Variants in SH3BGRL2 observed in about 807,000 individuals in gnomAD.
SH3BGRL2 encodes SH3 domain binding glutamate rich protein like 2.
In SH3BGRL2, 21 loss-of-function variants were observed where a neutral mutation model predicts 14.8. The ratio of observed to expected loss-of-function variants is 1.42; its 90% CI spans 1.01 to 2.05. The LOEUF is 2.05. SH3BGRL2 is among the 30% of genes most tolerant of loss of function. The pLI is 0.00. For synonymous variants in SH3BGRL2, 50 were observed against 47.8 expected, an observed-to-expected ratio of 1.05 and a Z score of -0.19; for missense variants, 147 against 130.8, an observed-to-expected ratio of 1.12 and a Z score of -0.61.
the SH3BGRL2 span, among the ~76,000 whole-genome samples, chr6:79,590,273 A>G: frequency 6.6e-6 from 1 of 151,894 alleles, no homozygotes; most frequent in African/African-American, 2.4e-5. Context: ...CAACTCAGCA[A>G]TCCCATTACT....
intron 2 of SH3BGRL2, among the ~76,000 whole-genome samples, chr6:79,689,851 C>G (rs1463356945): frequency 2.6e-5 from 4 of 152,122 alleles, no homozygotes; most frequent in African/African-American, 9.7e-5. Flanking sequence ...TTTTGTGTTA[C>G]CACCTAAAGC....
At chr6:79,602,362 C>T in the SH3BGRL2 span, among the ~76,000 whole-genome samples, 1 of 152,100 alleles carries the variant, frequency 6.6e-6, no homozygotes, top group African/African-American at 2.4e-5. Context: ...GAGGGGGTGA[C>T]ATTCTAAAAA....
Position 79,700,235 on chromosome 6 carries a change from G to A in SH3BGRL2, c.*726G>A, listed in dbSNP as rs1202471189. On this transcript the variant is annotated 3_prime_UTR_variant, in exon 4 of 4. Coordinates refer to ENST00000369838, the MANE Select transcript of SH3BGRL2 (RefSeq NM_031469.4). ...TGCAAGGGGCAAGTTTCACCCAAAT[G>A]CCTGAGACTGCTTGAAAGATATATT... 6.6e-6 allele frequency: 1 copy of A among 152,120 alleles called. No individual in the cohort carries two copies. The highest frequency in any genetic ancestry group is 2.4e-5 in the African/African-American group (1 of 41,438). The allele number at this position is 152,120 out of a possible 1,614,324, so 9.4% of individuals were successfully genotyped here.
chr6:79,632,537 A>C (rs1038541229), intron 1 of SH3BGRL2, among the ~76,000 whole-genome samples: 12 of 152,206 alleles, frequency 7.9e-5, no homozygotes, highest in Non-Finnish European at 1.6e-4. Context: ...ATTGTTCCAA[A>C]ATTTGTTTCT....
the SH3BGRL2 span, among the ~76,000 whole-genome samples, chr6:79,591,608 A>G: frequency 6.6e-5 from 10 of 152,086 alleles, no homozygotes; most frequent in South Asian, 1.5e-3. Flanking sequence ...GGGTTTCACT[A>G]TGTTGGTCAG....
chr6:79,630,672 C>A (rs978329577), upstream of SH3BGRL2, among the ~76,000 whole-genome samples: 1 of 152,070 alleles, frequency 6.6e-6, no homozygotes, highest in African/African-American at 2.4e-5. Context: ...ATTCCAATTT[C>A]GTTTGGTATT....
At chr6:79,598,127 T>G in the SH3BGRL2 span, among the ~76,000 whole-genome samples, 4 of 152,178 alleles carry the variant, frequency 2.6e-5, no homozygotes, top group Non-Finnish European at 4.4e-5. Context: ...AGTGAAGCCC[T>G]CATACAACAC....
At chr6:79,652,454 A>G (rs1769315336) in intron 1 of SH3BGRL2, among the ~76,000 whole-genome samples, 1 of 152,202 alleles carries the variant, frequency 6.6e-6, no homozygotes, top group African/African-American at 2.4e-5. Flanking sequence ...GAACATTAGT[A>G]TAAGAACGAC....
the SH3BGRL2 span, among the ~76,000 whole-genome samples, chr6:79,546,110 C>T: frequency 1.3e-5 from 2 of 152,120 alleles, no homozygotes; most frequent in East Asian, 1.9e-4. Context: ...AGCAATTTCA[C>T]GTGTCTTGGT....
chr6:79,539,484 T>C, the SH3BGRL2 span, among the ~76,000 whole-genome samples: 1 of 152,214 alleles, frequency 6.6e-6, no homozygotes, highest in East Asian at 1.9e-4. Context: ...AATTCTGCAA[T>C]GGTCATTAAG....
the SH3BGRL2 span, among the ~76,000 whole-genome samples, chr6:79,622,716 G>C: frequency 6.6e-6 from 1 of 152,162 alleles, no homozygotes; most frequent in Non-Finnish European, 1.5e-5. Flanking sequence ...CCTCTGTATT[G>C]AATAGCTACT....
the SH3BGRL2 span, among the ~76,000 whole-genome samples, chr6:79,540,744 T>C: frequency 1.3e-5 from 2 of 152,106 alleles, no homozygotes; most frequent in Non-Finnish European, 2.9e-5. Flanking sequence ...ACGGATTAAT[T>C]TTAAAGACAA....
the SH3BGRL2 span, among the ~76,000 whole-genome samples, chr6:79,579,273 C>T: frequency 2.0e-5 from 3 of 152,186 alleles, no homozygotes; most frequent in Admixed American, 2.0e-4. Context: ...GGCAGGCCAA[C>T]ATTAAAATTC....
the SH3BGRL2 span, among the ~76,000 whole-genome samples, chr6:79,606,079 T>G: frequency 0.18 from 26,795 of 152,114 alleles, 2,468 homozygotes; most frequent in South Asian, 0.22. Flanking sequence ...AAACTGACAC[T>G]TAGGGGCAAA....
the SH3BGRL2 span, among the ~76,000 whole-genome samples, chr6:79,540,780 AAAG>A: frequency 8.5e-5 from 13 of 152,220 alleles, no homozygotes; most frequent in Non-Finnish European, 1.8e-4. Context: ...GTCAGACACA[AAAG>A]AATATATTCT....
the SH3BGRL2 span, among the ~76,000 whole-genome samples, chr6:79,603,285 T>G: frequency 6.6e-6 from 1 of 152,208 alleles, no homozygotes; most frequent in African/African-American, 2.4e-5. Context: ...CAAGAACAAT[T>G]TCCCTTGAGG....
Position 79,702,008 on chromosome 6 carries a change from A to C in SH3BGRL2, c.*2499A>C, listed in dbSNP as rs538928991. 15 of 152,728 alleles carry C rather than the reference A, an allele frequency of 9.8e-5. No homozygotes were observed. The highest frequency in any genetic ancestry group is 3.6e-4 in the African/African-American group (15 of 41,578). The allele number at this position is 152,728 out of a possible 1,614,324, so 9.5% of individuals were successfully genotyped here. A position where few individuals can be genotyped will look rare whatever the true frequency, so the allele number is the denominator to read the frequency against. On this transcript the variant is annotated 3_prime_UTR_variant, in exon 4 of 4. Coordinates refer to ENST00000369838, the MANE Select transcript of SH3BGRL2 (RefSeq NM_031469.4). ...AAAGGAAATGTGCTGCTAAAAATCA[A>C]CTTATGCCATTTTAAAATTAGATAA...
chr6:79,633,999 G>A (rs760631181), intron 1 of SH3BGRL2, among the ~76,000 whole-genome samples: 14 of 152,184 alleles, frequency 9.2e-5, no homozygotes, highest in Admixed American at 2.0e-4. Flanking sequence ...CAACTGTGAC[G>A]AGCAAGTGCA....
chr6:79,689,530 A>G (rs961887863), intron 2 of SH3BGRL2, among the ~76,000 whole-genome samples: 1 of 152,126 alleles, frequency 6.6e-6, no homozygotes, highest in Non-Finnish European at 1.5e-5. Context: ...TTTTCTCTGC[A>G]TGAGAGAAAA....
Sources: allele counts gnomAD v4.1 joint callset (sites outside exome capture counted in the v4.1 genomes callset), GRCh38; gene constraint gnomAD v4.1.1; transcripts MANE v1.5; gene names NCBI Gene and HGNC (gene_info 2026-07-23, HGNC 2026-07-21).